The following TRIM5 variants were observed in gnomAD, a reference collection of about 807,000 sequenced individuals.
The protein encoded by TRIM5 is tripartite motif-containing protein 5.
Under a neutral mutation model 35.6 loss-of-function variants are expected in TRIM5, and 31 were observed. The ratio of observed to expected loss-of-function variants is 0.87; its 90% CI spans 0.65 to 1.18. The LOEUF (loss-of-function observed/expected upper bound fraction) is 1.18, where lower values mean the gene tolerates loss of function less well. Ranked by LOEUF, TRIM5 falls within the 50% of genes most tolerant of loss-of-function variation. The pLI, the probability that TRIM5 is intolerant of heterozygous loss-of-function variation, is 0.00. For synonymous variants in TRIM5, 243 were observed against 215.6 expected (o/e 1.13, Z -1.11); for missense variants, 609 against 591.6 (o/e 1.03, Z -0.31).
intron 4 of TRIM5, among the ~76,000 whole-genome samples, chr11:5,670,614 A>G (rs1419677419): frequency 1.3e-5 from 2 of 152,242 alleles, no homozygotes; most frequent in African/African-American, 4.8e-5. Flanking sequence ...ACAACACATC[A>G]GTGAGAAAAT....
At chr11:5,665,550 T>C (rs373332285) in intron 7 of TRIM5, 106 bp downstream of exon 7, 2 of 1,572,102 alleles carry the variant, frequency 1.3e-6, no homozygotes, top group Non-Finnish European at 1.7e-6. Context: ...AGGAGAATCA[T>C]AAATCTTAAA....
At chr11:5,666,280 G>C in intron 5 of TRIM5, 199 bp from the exon 6 acceptor site, 1 of 659,092 alleles carries the variant, frequency 1.5e-6, no homozygotes. Context: ...CTTTCTGTGA[G>C]AACGTGGGAA....
At chr11:5,657,097 G>A in the TRIM5 span, among the ~76,000 whole-genome samples, 1 of 152,160 alleles carries the variant, frequency 6.6e-6, no homozygotes, top group African/African-American at 2.4e-5. Flanking sequence ...TAAAGAAAAT[G>A]TGGCACATAT....
At chr11:5,617,422 G>C in the TRIM5 span, among the ~76,000 whole-genome samples, 1 of 142,460 alleles carries the variant, frequency 7.0e-6, no homozygotes, top group Non-Finnish European at 1.5e-5. Context: ...GACAGCAACT[G>C]AGTTTTCTAT....
At chr11:5,623,306 A>T in the TRIM5 span, among the ~76,000 whole-genome samples, 2 of 151,960 alleles carry the variant, frequency 1.3e-5, no homozygotes. Context: ...TGAAAGTATT[A>T]GGTTGGTACA....
At chr11:5,608,040 T>C in the TRIM5 span, among the ~76,000 whole-genome samples, 6 of 152,188 alleles carry the variant, frequency 3.9e-5, no homozygotes, top group Non-Finnish European at 5.9e-5. Context: ...TACTCAAGGA[T>C]AGAAATTATG....
chr11:5,669,479 C>G (rs1851411420), intron 4 of TRIM5, among the ~76,000 whole-genome samples: 1 of 152,046 alleles, frequency 6.6e-6, no homozygotes, highest in African/African-American at 2.4e-5. Context: ...TCTTTGGTCT[C>G]CTTTATGCCA....
chr11:5,664,705 G>T lies in TRIM5; in HGVS notation c.*104C>A. The stretch of plus-strand genomic sequence containing the variant: ...AGGACGTTCAAATAGAAAGAAGGGA[G>T]ACAGCAAGGAAAAGATGGTTAAAAT... On this transcript the variant is annotated 3_prime_UTR_variant, in exon 8 of 8. Transcript: ENST00000380034. 6.8e-7 allele frequency: 1 copy of T among 1,480,692 alleles called. No homozygotes were observed. Among genetic ancestry groups the T allele is most frequent in the South Asian group, 1.5e-5 (1 of 66,194 alleles). 91.7% of individuals were successfully genotyped at this position (1,480,692 alleles called of 1,614,324 possible). A position where few individuals can be genotyped will look rare whatever the true frequency, so the allele number is the denominator to read the frequency against.
intron 1 of TRIM5, among the ~76,000 whole-genome samples, chr11:5,682,844 C>T (rs376414207): frequency 2.0e-5 from 3 of 151,962 alleles, no homozygotes; most frequent in African/African-American, 7.3e-5. Context: ...CCCACTTTGG[C>T]GGCACTTGAG....
chr11:5,655,569 ACATT>A, the TRIM5 span: 1 of 874,086 alleles, frequency 1.1e-6, no homozygotes, highest in Admixed American at 6.2e-5. Context: ...TCAGTAAGAA[ACATT>A]CATTTCTTGG....
chr11:5,631,039 C>T, the TRIM5 span, among the ~76,000 whole-genome samples: 1 of 152,224 alleles, frequency 6.6e-6, no homozygotes. Context: ...GGACATCTCT[C>T]TCATGGCCAA....
At chr11:5,643,200 CAG>C in the TRIM5 span, 1 of 1,608,340 alleles carries the variant, frequency 6.2e-7, no homozygotes, top group African/African-American at 1.3e-5. Flanking sequence ...TTCAGAAGAT[CAG>C]AGACAAGTGA....
At chr11:5,632,661 G>A in the TRIM5 span, 6 of 1,612,686 alleles carry the variant, frequency 3.7e-6, no homozygotes, top group Admixed American at 8.4e-5. Context: ...TCTGTAAGGA[G>A]GATAGGAAAG....
At chr11:5,675,858 C>CA (rs1554934435) in intron 4 of TRIM5, among the ~76,000 whole-genome samples, 2 of 75,042 alleles carry the variant, frequency 2.7e-5, no homozygotes, top group Admixed American at 2.8e-4. Flanking sequence ...CCCCTCCCCC[C>CA]ACCCCACCAT....
At chr11:5,617,960 A>G in the TRIM5 span, among the ~76,000 whole-genome samples, 3 of 141,974 alleles carry the variant, frequency 2.1e-5, no homozygotes, top group Non-Finnish European at 3.0e-5. Context: ...CAGAGGCAAC[A>G]TTTTTATTCA....
chr11:5,656,345 T>C, the TRIM5 span, among the ~76,000 whole-genome samples: 1 of 142,648 alleles, frequency 7.0e-6, no homozygotes, highest in Non-Finnish European at 1.5e-5. Flanking sequence ...GCGAAGGATA[T>C]GAACAGACAC....
intron 1 of TRIM5, among the ~76,000 whole-genome samples, chr11:5,681,781 G>A (rs1474708952): frequency 3.3e-5 from 5 of 152,162 alleles, no homozygotes; most frequent in Admixed American, 1.3e-4. Context: ...TAAGGGCACT[G>A]GCTCTATCAG....
At chr11:5,665,748 C>A in intron 6 of TRIM5, 66 bp from the exon 7 acceptor site, 1 of 1,474,612 alleles carries the variant, frequency 6.8e-7, no homozygotes, top group Non-Finnish European at 8.9e-7. Flanking sequence ...TTCATTTTCT[C>A]TCCAGATTAG....
the TRIM5 span, among the ~76,000 whole-genome samples, chr11:5,636,702 A>T: frequency 2.6e-5 from 4 of 152,186 alleles, no homozygotes; most frequent in Non-Finnish European, 5.9e-5. Flanking sequence ...CTTGGAATTT[A>T]AAAAAATATT....
Sources: allele counts gnomAD v4.1 joint callset (sites outside exome capture counted in the v4.1 genomes callset), GRCh38; gene constraint gnomAD v4.1.1; transcripts MANE v1.5; gene names NCBI Gene and HGNC (gene_info 2026-07-23, HGNC 2026-07-21).